Variants in PLA1A observed in about 807,000 individuals in gnomAD.
PLA1A encodes phosphatidylserine-specific phospholipase A1alpha.
PLA1A carries 47 observed loss-of-function variants against 49.4 expected under a neutral mutation model. The observed-to-expected ratio is 0.95, with a 90% confidence interval of 0.75 to 1.21. PLA1A has a LOEUF of 1.21. Among genes scored for constraint, PLA1A ranks in the 50% most tolerant of loss-of-function variants. PLA1A has a pLI of 0.00. For synonymous variants in PLA1A, 224 were observed against 207.9 expected (o/e 1.08, Z -0.67); for missense variants, 561 against 563.9 (o/e 0.99, Z 0.05).
intron 9 of PLA1A, among the ~76,000 whole-genome samples, chr3:119,627,945 C>A (rs1003502983): frequency 3.9e-5 from 6 of 152,230 alleles, no homozygotes; most frequent in Non-Finnish European, 5.9e-5. Flanking sequence ...TCACTTCATA[C>A]TCCTCCCTCA....
intron 7 of PLA1A, among the ~76,000 whole-genome samples, chr3:119,619,228 C>T (rs2082894738): frequency 6.6e-6 from 1 of 152,198 alleles, no homozygotes; most frequent in African/African-American, 2.4e-5. Context: ...CACCATGCTC[C>T]CACTGCACGG....
chr3:119,597,981 G>T lies in PLA1A; in HGVS notation c.68G>T (p.Ser23Ile), dbSNP rs1128293. 4.6e-3 allele frequency: 7,448 copies of T among 1,602,504 alleles called. 277 individuals are homozygous for T. The African/African-American group carries it at 0.086, about 19-fold the overall frequency. ...GGLILWLSVGSSGDAPPTPQP... is the reference protein window; with the variant it reads ...GGLILWLSVGISGDAPPTPQP... ...CTCATTTTGTGGCTCAGCGTTGGAA[G>T]TTCAGGTAAGCCAGGGCTCAGGCCT... is the stretch of plus-strand genomic sequence containing the variant. Residue 23 changes from serine to isoleucine, a missense_variant, in exon 1 of 11, where the codon AGT (serine) becomes ATT (isoleucine). By Grantham distance (142) the Ser-to-Ile change is moderately radical. Transcript: ENST00000273371.
In PLA1A at chr3:119,616,026, A is replaced by C. The variant is rs2082843421; in HGVS notation, c.679A>C (p.Ile227Leu). The C allele has an allele frequency of 6.2e-7, 1 of 1,611,954 alleles. No homozygotes were observed. The highest frequency in any genetic ancestry group is 2.2e-5 in the East Asian group (1 of 44,870). The change falls in exon 6 of 11, where the codon ATT (isoleucine) becomes CTT (leucine). Residue 227 changes from isoleucine to leucine, a missense_variant. Physicochemically the swap from Ile to Leu is conservative, Grantham distance 5 (BLOSUM62 2). Coordinates refer to ENST00000273371, the MANE Select transcript of PLA1A (RefSeq NM_015900.4). ...CCTCCTTTCAGATTTGGGTATTCGG[A>C]TTCCCGTTGGACATGTGGACTACTT... Reference protein sequence around the residue: ...HTDTDNLGIRIPVGHVDYFVN... With the variant: ...HTDTDNLGIRLPVGHVDYFVN...
At chr3:119,615,592 A>G (rs541712619) in intron 5 of PLA1A, among the ~76,000 whole-genome samples, 1 of 152,186 alleles carries the variant, frequency 6.6e-6, no homozygotes, top group South Asian at 2.1e-4. Context: ...CGGGTGGATC[A>G]CCTGAGGTCA....
At chr3:119,626,658 A>C (rs1190465391) in intron 9 of PLA1A, among the ~76,000 whole-genome samples, 2 of 152,192 alleles carry the variant, frequency 1.3e-5, no homozygotes, top group South Asian at 2.1e-4. Context: ...GAGTTTGGAG[A>C]TATTTCTCGG....
chr3:119,611,246 A>G (rs73192010), intron 4 of PLA1A, among the ~76,000 whole-genome samples: 2,721 of 152,236 alleles, frequency 0.018, 24 homozygotes, highest in Non-Finnish European at 0.026. Flanking sequence ...GAAATTGGGT[A>G]GTGTGATATG....
chr3:119,599,289 T>C (rs1297263004), intron 1 of PLA1A, among the ~76,000 whole-genome samples: 1 of 152,152 alleles, frequency 6.6e-6, no homozygotes, highest in African/African-American at 2.4e-5. Context: ...TATTCCTTTG[T>C]GATTTTATTA....
intron 6 of PLA1A, 24 bp from the exon 7 acceptor site, chr3:119,617,995 T>A: frequency 1.3e-6 from 2 of 1,570,402 alleles, no homozygotes; most frequent in African/African-American, 2.7e-5. Flanking sequence ...ACTGAAACCT[T>A]GGTTGTGTTT....
chr3:119,604,733 T>A (rs1170183943), intron 1 of PLA1A, among the ~76,000 whole-genome samples: 3 of 152,192 alleles, frequency 2.0e-5, no homozygotes, highest in Non-Finnish European at 2.9e-5. Flanking sequence ...AAAAAATTTT[T>A]AAAAATCTTG....
Position 119,609,578 on chromosome 3 carries a change from T to G in PLA1A, c.562+2T>G. On this transcript the variant is annotated splice_donor_variant, in intron 4 of 10. Transcript: ENST00000273371. LOFTEE classifies it high-confidence loss of function. Reference sequence around the variant, plus strand: ...GAGGCCAGCTGGGACAGATCACAGGTAACATTCCTCCCTGCCCATCCTCCA... The same window carrying G: ...GAGGCCAGCTGGGACAGATCACAGGGAACATTCCTCCCTGCCCATCCTCCA... The G allele has an allele frequency of 6.6e-7, 1 of 1,512,332 alleles. No homozygotes were observed. The highest frequency in any genetic ancestry group is 1.1e-5 in the South Asian group (1 of 88,706). 93.7% of individuals were successfully genotyped at this position (1,512,332 alleles called of 1,614,324 possible).
At chr3:119,625,305 A>G (rs2052502597) in intron 9 of PLA1A, 73 bp downstream of exon 9, 1 of 954,364 alleles carries the variant, frequency 1.0e-6, no homozygotes, top group African/African-American at 1.6e-5. Context: ...ACACATGGAC[A>G]TCCCAGGTCA....
chr3:119,599,374 G>C (rs762893234), intron 1 of PLA1A, among the ~76,000 whole-genome samples: 1 of 152,122 alleles, frequency 6.6e-6, no homozygotes, highest in Non-Finnish European at 1.5e-5. Flanking sequence ...GAGAAGGTGG[G>C]AGGTATCACC....
At chr3:119,617,203 A>G (rs1235817050) in intron 6 of PLA1A, among the ~76,000 whole-genome samples, 3 of 152,204 alleles carry the variant, frequency 2.0e-5, no homozygotes, top group Non-Finnish European at 4.4e-5. Flanking sequence ...ATATTTGACA[A>G]ATTCGGCATA....
In PLA1A at chr3:119,608,822, C is replaced by G; in HGVS notation, c.328C>G (p.Arg110Gly). ...TGACACATTTATTAGAACCCTTCTG[C>G]GTGCAACGAATGCTAATGTGATTGC... ...WIDTFIRTLL[R>G]ATNANVIAVD... The change falls in exon 3 of 11, where the codon CGT becomes GGT. Residue 110 changes from arginine to glycine, a missense_variant. Arg to Gly is a moderately radical substitution (Grantham distance 125). Transcript: ENST00000273371. 1 of 1,613,618 alleles carries G rather than the reference C, an allele frequency of 6.2e-7. No homozygotes were observed. The highest frequency in any genetic ancestry group is 8.5e-7 in the Non-Finnish European group (1 of 1,179,544).
intron 8 of PLA1A, among the ~76,000 whole-genome samples, chr3:119,621,971 C>A (rs370900742): frequency 2.0e-5 from 3 of 152,210 alleles, no homozygotes; most frequent in East Asian, 3.9e-4. Flanking sequence ...CTAATCCCAG[C>A]ACTTCGGGAG....
intron 8 of PLA1A, among the ~76,000 whole-genome samples, 163 bp from the exon 9 acceptor site, chr3:119,624,961 A>C (rs1013888857): frequency 6.6e-6 from 1 of 152,142 alleles, no homozygotes; most frequent in South Asian, 2.1e-4. Context: ...CTCAATTTGC[A>C]CTTGAGGAAA....
chr3:119,613,524 C>CA (rs1220863627), intron 5 of PLA1A, among the ~76,000 whole-genome samples: 2 of 152,206 alleles, frequency 1.3e-5, no homozygotes, highest in Admixed American at 1.3e-4. Context: ...TTCCACTCCC[C>CA]AGGCAGGCAG....
intron 8 of PLA1A, among the ~76,000 whole-genome samples, chr3:119,622,272 AATAAT>A (rs1454997394): frequency 6.6e-6 from 1 of 152,238 alleles, no homozygotes; most frequent in Non-Finnish European, 1.5e-5. Flanking sequence ...AAGAAGTATT[AATAAT>A]ATAATATAGC....
chr3:119,600,229 CT>C (rs2082599336), intron 1 of PLA1A: 4 of 590,202 alleles, frequency 6.8e-6, no homozygotes, highest in Non-Finnish European at 9.1e-6. Flanking sequence ...CCTCCACTCA[CT>C]TTCCTGGCTG....
Sources: allele counts gnomAD v4.1 joint callset (sites outside exome capture counted in the v4.1 genomes callset), GRCh38; gene constraint gnomAD v4.1.1; transcripts MANE v1.5; gene names NCBI Gene and HGNC (gene_info 2026-07-23, HGNC 2026-07-21).